Variants in GRIN3A observed in about 807,000 individuals in gnomAD.
GRIN3A encodes the protein glutamate receptor ionotropic, NMDA 3A.
Under a neutral mutation model 92.4 loss-of-function variants are expected in GRIN3A, and 47 were observed. That is an observed-to-expected ratio of 0.51 (90% CI 0.40 to 0.65). The LOEUF is 0.65. Among genes scored for constraint, GRIN3A ranks in the 30% least tolerant of loss-of-function variants. GRIN3A has a pLI of 0.00. For missense variants in GRIN3A, 1,324 were observed against 1,393.1 expected, an observed-to-expected ratio of 0.95 and a Z score of 0.79; for synonymous variants, 527 against 540.6, an observed-to-expected ratio of 0.97 and a Z score of 0.35.
intron 6 of GRIN3A, among the ~76,000 whole-genome samples, chr9:101,607,582 T>G (rs1245010697): frequency 6.6e-6 from 1 of 152,164 alleles, no homozygotes; most frequent in Non-Finnish European, 1.5e-5. Context: ...GCCGTGTGTA[T>G]GAGACCATCA....
chr9:101,709,509 G>A (rs1156689604), intron 1 of GRIN3A, among the ~76,000 whole-genome samples: 2 of 152,186 alleles, frequency 1.3e-5, no homozygotes, highest in Non-Finnish European at 2.9e-5. Flanking sequence ...AGCAGCTCAC[G>A]CTGCCGTCTA....
In GRIN3A at chr9:101,572,043, A is replaced by G. The variant is rs1234358302; in HGVS notation, c.*1131T>C. 4 of 149,732 alleles carry G rather than the reference A, an allele frequency of 2.7e-5. No homozygotes were observed. The highest frequency in any genetic ancestry group is 6.0e-5 in the Non-Finnish European group (4 of 66,900). The allele number at this position is 149,732 out of a possible 1,614,324, so 9.3% of individuals were successfully genotyped here. ...GGCTGGAGGATCATTAGAGGGACCA[A>G]AACCAGTTCATAGCTCCTCAGAGAT... is the stretch of plus-strand genomic sequence containing the variant. On this transcript the variant is annotated 3_prime_UTR_variant, in exon 9 of 9. Transcript: ENST00000361820.
chr9:101,610,187 C>T (rs556074835), intron 6 of GRIN3A, among the ~76,000 whole-genome samples: 49 of 152,260 alleles, frequency 3.2e-4, no homozygotes, highest in African/African-American at 8.7e-4. Context: ...GGAAAAGACA[C>T]GCAAATCTCT....
At chr9:101,727,006 GA>G (rs892095546) in intron 1 of GRIN3A, among the ~76,000 whole-genome samples, 6 of 151,946 alleles carry the variant, frequency 3.9e-5, no homozygotes, top group Non-Finnish European at 7.4e-5. Flanking sequence ...AAGGACAGGG[GA>G]AAAAAACAAG....
At chr9:101,693,797 A>G (rs142294306) in intron 1 of GRIN3A, among the ~76,000 whole-genome samples, 44 of 152,276 alleles carry the variant, frequency 2.9e-4, no homozygotes, top group African/African-American at 1.0e-3. Flanking sequence ...ACAACACTTT[A>G]AAAAAGAATG....
At chr9:101,591,473 C>A (rs1162444759) in intron 6 of GRIN3A, 1 of 152,188 alleles carries the variant, frequency 6.6e-6, no homozygotes, top group African/African-American at 2.4e-5. Context: ...TTGCCACTTA[C>A]CAGCTGGGCG....
rs532881226 is a variant in GRIN3A, at chr9:101,691,825, G to A, written c.700-4625C>T. Among the ~76,000 whole-genome samples the A allele has an allele frequency of 3.9e-5, 6 of 152,256 alleles. No homozygotes were observed. In the South Asian group the frequency reaches 1.2e-3, roughly 32 times the overall value. On this transcript the variant is annotated intron_variant, in intron 1 of 8. Coordinates refer to ENST00000361820, the MANE Select transcript of GRIN3A (RefSeq NM_133445.3). ...TAGAGGTTAGGACTTAGTAGTCAGGGCAACCTATGCTTAAGTTCTGTCTCC... is the reference window on the plus strand; with the variant it reads ...TAGAGGTTAGGACTTAGTAGTCAGGACAACCTATGCTTAAGTTCTGTCTCC...
chr9:101,661,030 G>A (rs1829165240), intron 3 of GRIN3A, among the ~76,000 whole-genome samples: 1 of 151,868 alleles, frequency 6.6e-6, no homozygotes, highest in Non-Finnish European at 1.5e-5. Flanking sequence ...TACAGATTGT[G>A]TTAAGTCCTA....
chr9:101,653,479 T>C (rs1829039222), intron 3 of GRIN3A, among the ~76,000 whole-genome samples: 1 of 151,812 alleles, frequency 6.6e-6, no homozygotes, highest in South Asian at 2.1e-4. Context: ...CCATTGTAAA[T>C]TGCACATTGA....
intron 3 of GRIN3A, among the ~76,000 whole-genome samples, chr9:101,647,641 G>A (rs766298463): frequency 6.6e-6 from 1 of 151,872 alleles, no homozygotes; most frequent in African/African-American, 2.4e-5. Flanking sequence ...TTCTTTGATG[G>A]GAGACTTTTT....
chr9:101,658,744 A>ATCTG (rs1554720506), intron 3 of GRIN3A, among the ~76,000 whole-genome samples: 10 of 148,092 alleles, frequency 6.8e-5, no homozygotes, highest in East Asian at 2.2e-4. Context: ...TTATTTGTCT[A>ATCTG]TCTATCTGTC....
At chr9:101,699,924 C>CT (rs1362059540) in intron 1 of GRIN3A, among the ~76,000 whole-genome samples, 8 of 152,032 alleles carry the variant, frequency 5.3e-5, no homozygotes, top group African/African-American at 9.6e-5. Flanking sequence ...TGCTTTGCCT[C>CT]TTTTTTTTGC....
intron 1 of GRIN3A, among the ~76,000 whole-genome samples, chr9:101,722,475 T>C (rs1240083650): frequency 6.6e-6 from 1 of 152,128 alleles, no homozygotes; most frequent in African/African-American, 2.4e-5. Context: ...GACCCCAGAA[T>C]GGCAGATCCA....
chr9:101,577,202 A>G (rs916750384), intron 8 of GRIN3A, among the ~76,000 whole-genome samples: 1 of 152,214 alleles, frequency 6.6e-6, no homozygotes, highest in African/African-American at 2.4e-5. Context: ...TAGGCATGAC[A>G]TGTCTGTTTC....
At chr9:101,578,238 CAT>C (rs1048671330) in intron 7 of GRIN3A, among the ~76,000 whole-genome samples, 88 of 152,178 alleles carry the variant, frequency 5.8e-4, no homozygotes, top group African/African-American at 1.9e-3. Context: ...TTAAGTTAAT[CAT>C]ATTAGCATAC....
At chr9:101,681,060 C>T (rs1352348297) in intron 2 of GRIN3A, among the ~76,000 whole-genome samples, 1 of 152,120 alleles carries the variant, frequency 6.6e-6, no homozygotes, top group Non-Finnish European at 1.5e-5. Flanking sequence ...TATGACCAAC[C>T]CATGGAGCTT....
chr9:101,625,713 G>T (rs553050221), intron 4 of GRIN3A, among the ~76,000 whole-genome samples: 41 of 152,142 alleles, frequency 2.7e-4, no homozygotes, highest in Non-Finnish European at 5.3e-4. Context: ...TCTCCTAGAA[G>T]TTGATAAGGA....
At chr9:101,609,597 T>C (rs758508507) in intron 6 of GRIN3A, among the ~76,000 whole-genome samples, 2 of 152,212 alleles carry the variant, frequency 1.3e-5, no homozygotes, top group Non-Finnish European at 2.9e-5. Context: ...ATAATTGTGT[T>C]GGTAAGTCTC....
intron 3 of GRIN3A, among the ~76,000 whole-genome samples, chr9:101,646,108 G>A (rs2417283): frequency 2.6e-5 from 4 of 151,584 alleles, no homozygotes; most frequent in Admixed American, 6.6e-5. Context: ...TTTTCCTCAC[G>A]TTGCTTGTGC....
Sources: allele counts gnomAD v4.1 joint callset (sites outside exome capture counted in the v4.1 genomes callset), GRCh38; gene constraint gnomAD v4.1.1; transcripts MANE v1.5; gene names NCBI Gene and HGNC (gene_info 2026-07-23, HGNC 2026-07-21).